The following RBM45 variants were observed in gnomAD, a reference collection of about 807,000 sequenced individuals.
The protein encoded by RBM45 is RNA binding motif protein 45.
In RBM45, 39 loss-of-function variants were observed where a neutral mutation model predicts 58.5. The observed-to-expected ratio is 0.67, with a 90% CI of 0.52 to 0.87. RBM45 has a LOEUF of 0.87. Ranked by LOEUF, RBM45 falls within the 40% of genes least tolerant of loss-of-function variation. The pLI is 0.00. For synonymous variants in RBM45, 193 were observed against 203.0 expected (o/e 0.95, Z 0.42); for missense variants, 481 against 581.6 (o/e 0.83, Z 1.78).
intron 1 of RBM45, among the ~76,000 whole-genome samples, chr2:178,114,437 G>A (rs181695636): frequency 7.9e-4 from 121 of 152,202 alleles, no homozygotes; most frequent in African/African-American, 2.5e-3. Flanking sequence ...GCCCAACACC[G>A]AAATGTACCC....
intron 5 of RBM45, among the ~76,000 whole-genome samples, chr2:178,122,236 T>G (rs1304997319): frequency 1.6e-5 from 2 of 127,336 alleles, no homozygotes; most frequent in African/African-American, 2.5e-5. Context: ...ATCTAAGGGG[T>G]TTTTTTTTCT....
At chr2:178,137,818 A>G (rs1387579626) in exon 4 of RBM45, 1 of 152,200 alleles carries the variant, frequency 6.6e-6, no homozygotes, top group African/African-American at 2.4e-5. Flanking sequence ...TTCTTAGTGA[A>G]TAAAGCAAAA....
Position 178,124,263 on chromosome 2 carries a change from CT to C in RBM45, c.1208del (p.Leu403Ter). The C allele has an allele frequency of 6.4e-7, 1 of 1,572,756 alleles. No homozygotes were observed. Among genetic ancestry groups the C allele is most frequent in the Non-Finnish European group, 8.6e-7 (1 of 1,159,458 alleles). Reference protein sequence around the residue: ...LFIVFNPHPLPLDVLEDIFCR... With the variant: ...LFIVFNPHPLXLDVLEDIFCR... Reference sequence around the variant, plus strand: ...ATTGTGTTTAATCCTCATCCTTTACCTTTAGACGTATTAGAAGATATATTCT... The same window carrying C: ...ATTGTGTTTAATCCTCATCCTTTACCTTAGACGTATTAGAAGATATATTCT... On this transcript the variant is annotated frameshift_variant, in exon 8 of 10. Transcript: ENST00000286070. LOFTEE classifies it high-confidence loss of function.
rs766112603 is a variant in RBM45 at position 178,116,312 on chromosome 2, T to C, written c.351T>C (p.Asp117=). 22 of 1,612,868 alleles carry C rather than the reference T, an allele frequency of 1.4e-5. No individual in the cohort carries two copies. In the South Asian group the frequency reaches 2.4e-4, roughly 18 times the overall value. Residue 117 remains aspartate, a synonymous_variant, in exon 2 of 10, where the codon GAT becomes GAC. Coordinates refer to ENST00000286070, the MANE Select transcript of RBM45 (RefSeq NM_152945.4). ...CTGGAAGTCACCGAGATGTTGAAGA[T>C]GAAGAACTTACAAGAATCTTTGTTA... The part of the protein sequence containing the change: ...RSSGSHRDVE[D]EELTRIFVMI...
intron 3 of RBM45, among the ~76,000 whole-genome samples, chr2:178,120,007 A>G (rs1574410253): frequency 6.6e-6 from 1 of 152,224 alleles, no homozygotes; most frequent in East Asian, 1.9e-4. Flanking sequence ...AGGTGAATGA[A>G]TGACGATGTT....
At chr2:178,131,040 G>A (rs1289547333), downstream of RBM45, among the ~76,000 whole-genome samples, 1 of 152,218 alleles carries the variant, frequency 6.6e-6, no homozygotes, top group Admixed American at 6.5e-5. Flanking sequence ...CCAGGAGTTC[G>A]AGGCTGCAGA....
In RBM45 at chr2:178,112,581, G is replaced by A; in HGVS notation, c.35G>A (p.Gly12Asp). The change falls in exon 1 of 10, where the codon GGC becomes GAC. Residue 12 changes from glycine to aspartate, a missense_variant. Coordinates refer to ENST00000286070, the MANE Select transcript of RBM45 (RefSeq NM_152945.4). ...GCTGGCAGCTCTGCGAGCGGCGGGGGCTTCCGCCCGGGCGTGGACAGCCTG... is the reference window on the plus strand; with the variant it reads ...GCTGGCAGCTCTGCGAGCGGCGGGGACTTCCGCCCGGGCGTGGACAGCCTG... Reference protein sequence around the residue: ...DEAGSSASGGGFRPGVDSLDE... With the variant: ...DEAGSSASGGDFRPGVDSLDE... 1 of 1,599,974 alleles carries A rather than the reference G, an allele frequency of 6.3e-7. No homozygotes were observed. The highest frequency in any genetic ancestry group is 8.5e-7 in the Non-Finnish European group (1 of 1,173,416).
intron 8 of RBM45, chr2:178,125,602 C>G (rs1300047540): frequency 7.2e-6 from 3 of 418,412 alleles, no homozygotes; most frequent in East Asian, 7.0e-5. Context: ...CAGAACGGCT[C>G]TAGAGCTATA....
rs1559081092 is a variant in RBM45 at position 178,124,192 on chromosome 2, C to T, written c.1134C>T (p.Cys378=). Residue 378 remains cysteine, a synonymous_variant, in exon 8 of 10, where the codon TGC becomes TGT. Coordinates refer to ENST00000286070, the MANE Select transcript of RBM45 (RefSeq NM_152945.4). ...QIQTDVVLPS[C]KKKAPAETPV... ...AGACAGATGTTGTACTTCCATCATG[C>T]AAAAAAAAAGCTCCTGCTGAAACTC... 1 of 1,585,018 alleles carries T rather than the reference C, an allele frequency of 6.3e-7. No homozygotes were observed. The highest frequency in any genetic ancestry group is 1.1e-5 in the South Asian group (1 of 87,206).
intron 1 of RBM45, 35 bp downstream of exon 1, chr2:178,112,881 A>T: frequency 6.3e-7 from 1 of 1,590,106 alleles, no homozygotes; most frequent in East Asian, 2.3e-5. Context: ...CCTCGGGGGA[A>T]GGAGTGGGCC....
At chr2:178,115,033 A>C (rs1230958426) in intron 1 of RBM45, among the ~76,000 whole-genome samples, 1 of 152,254 alleles carries the variant, frequency 6.6e-6, no homozygotes, top group Non-Finnish European at 1.5e-5. Context: ...CTGTAAGACA[A>C]CAATATTATC....
chr2:178,135,474 G>A (rs921185873), intron 3 of RBM45, among the ~76,000 whole-genome samples: 1 of 152,098 alleles, frequency 6.6e-6, no homozygotes, highest in Non-Finnish European at 1.5e-5. Flanking sequence ...TAGGCAATAG[G>A]GAGTCTATAC....
At chr2:178,117,913 CAAATATGCAATAT>C in intron 2 of RBM45, 129 bp from the exon 3 acceptor site, 3 of 499,456 alleles carry the variant, frequency 6.0e-6, no homozygotes, top group Non-Finnish European at 6.8e-6. Context: ...TTTGCAAATA[CAAATATGCAATAT>C]CTGCATATTT....
At chr2:178,136,365 C>A in intron 3 of RBM45, 1 of 152,312 alleles carries the variant, frequency 6.6e-6, no homozygotes, top group Non-Finnish European at 1.5e-5. Context: ...TCTTCTGACA[C>A]TCCTTATTAA....
At chr2:178,122,884 AG>A (rs1179479795) in intron 5 of RBM45, among the ~76,000 whole-genome samples, 1 of 152,178 alleles carries the variant, frequency 6.6e-6, no homozygotes, top group African/African-American at 2.4e-5. Context: ...AAAACCTTTT[AG>A]TTGTGTCACA....
chr2:178,113,049 C>T (rs958445082), intron 1 of RBM45, among the ~76,000 whole-genome samples: 1 of 152,152 alleles, frequency 6.6e-6, no homozygotes, highest in South Asian at 2.1e-4. Context: ...GGGAAGGGGA[C>T]GGGATGCGGA....
At chr2:178,116,177 G>C (rs2105899189) in intron 1 of RBM45, 85 bp from the exon 2 acceptor site, 1 of 1,432,784 alleles carries the variant, frequency 7.0e-7, no homozygotes, top group East Asian at 2.5e-5. Context: ...AAAAGTCATT[G>C]CAAGAATAAT....
intron 3 of RBM45, chr2:178,136,391 G>C (rs1312546273): frequency 6.6e-6 from 1 of 152,194 alleles, no homozygotes; most frequent in African/African-American, 2.4e-5. Context: ...GTATGAGAAG[G>C]CTATACTGTT....
Position 178,120,402 on chromosome 2 carries a change from T to A in RBM45, c.666T>A (p.Phe222Leu). ...GACATGAACCTAGAGTAAATATGTT[T>A]CCATTTGGTAAGTAGGCAACCTTTA... is the stretch of plus-strand genomic sequence containing the variant. ...ALGHEPRVNM[F>L]PFEQQSEFSS... Residue 222 changes from phenylalanine (F) to leucine (L), a missense_variant, in exon 4 of 10, where the codon TTT becomes TTA. By Grantham distance (22) the Phe-to-Leu change is conservative. Transcript: ENST00000286070. The A allele has an allele frequency of 6.2e-7, 1 of 1,609,472 alleles. No homozygotes were observed. Among genetic ancestry groups the A allele is most frequent in the Non-Finnish European group, 8.5e-7 (1 of 1,178,686 alleles).
Sources: gnomAD v4.1 joint callset for allele counts (sites outside exome capture counted in the v4.1 genomes callset) on GRCh38, gnomAD v4.1.1 for gene constraint, MANE v1.5 for transcripts, NCBI Gene and HGNC (gene_info 2026-07-23, HGNC 2026-07-21) for gene names.